VAV1: variants seen among roughly 807,000 people sequenced by gnomAD.
The protein encoded by VAV1 is vav guanine nucleotide exchange factor 1.
Under a neutral mutation model 128.1 loss-of-function variants are expected in VAV1, and 33 were observed. That is an observed-to-expected ratio of 0.26 (90% confidence interval 0.20 to 0.34). VAV1 has a LOEUF of 0.34. VAV1 is among the 10% of genes least tolerant of loss of function. The probability of loss-of-function intolerance (pLI) is 1.00; values close to 1 mark genes in which losing one functional copy is unlikely to be tolerated. For missense variants in VAV1, 715 were observed against 1,093.7 expected (o/e 0.65, Z 4.88); for synonymous variants, 394 against 409.8 (o/e 0.96, Z 0.47).
chr19:6,843,020 G>A (rs925920936), intron 21 of VAV1, 115 bp from the exon 22 acceptor site: 7 of 1,139,924 alleles, frequency 6.1e-6, no homozygotes, highest in Admixed American at 1.7e-5. Flanking sequence ...GCACATAATA[G>A]GCACTCACTA....
chr19:6,850,547 TG>T, intron 23 of VAV1, 122 bp from the exon 24 acceptor site: 1 of 825,170 alleles, frequency 1.2e-6, no homozygotes, highest in Non-Finnish European at 2.0e-6. Context: ...TGGGACAGCT[TG>T]TCTTTGGTTT....
At chr19:6,825,484 T>A (rs1022018951) in intron 8 of VAV1, 78 bp downstream of exon 8, 1 of 1,272,856 alleles carries the variant, frequency 7.9e-7, no homozygotes, top group African/African-American at 1.5e-5. Flanking sequence ...GACCTTACCC[T>A]CAGACACCAC....
rs528544238 is a variant in VAV1 at position 6,814,694 on chromosome 19, T to C, written c.205-6008T>C. Among the ~76,000 whole-genome samples, 420 of 127,652 alleles carry C rather than the reference T, an allele frequency of 3.3e-3. 14 individuals are homozygous for C. Among genetic ancestry groups the C allele is most frequent in the African/African-American group, 0.013 (383 of 28,962 alleles). The allele number at this position is 127,652 out of a possible 152,430, so 83.7% of individuals were successfully genotyped here. On this transcript the variant is annotated intron_variant, in intron 1 of 26. Transcript: ENST00000602142. Reference sequence around the variant, plus strand: ...TTCCTTTCTTTCTTTCTTTCTTTCTTTCTTTCTTTCTTTCTTTCTTTCTTT... The same window carrying C: ...TTCCTTTCTTTCTTTCTTTCTTTCTCTCTTTCTTTCTTTCTTTCTTTCTTT...
chr19:6,856,166 G>T (rs1037265586), intron 26 of VAV1, among the ~76,000 whole-genome samples: 1 of 152,092 alleles, frequency 6.6e-6, no homozygotes, highest in Admixed American at 6.6e-5. Flanking sequence ...GCATTGTGGC[G>T]TGCGCCTCTA....
chr19:6,836,490 C>A lies in VAV1; in HGVS notation c.1836C>A (p.Ala612=). ...EYYGLPPPPG[A]IGPFLRLNPG... ...ACGGGCTTCCTCCACCCCCTGGAGCCATTGGACCCTTTCTACGGCTCAACC... is the reference window on the plus strand; with the variant it reads ...ACGGGCTTCCTCCACCCCCTGGAGCAATTGGACCCTTTCTACGGCTCAACC... Residue 612 remains alanine (A), a synonymous_variant, in exon 20 of 27, where the codon GCC becomes GCA. Transcript: ENST00000602142. 2 of 1,614,098 alleles carry A rather than the reference C, an allele frequency of 1.2e-6. No individual in the cohort carries two copies. The highest frequency in any genetic ancestry group is 1.7e-6 in the Non-Finnish European group (2 of 1,180,030).
intron 3 of VAV1, 23 bp from the exon 4 acceptor site, chr19:6,821,768 C>T (rs1195183088): frequency 2.5e-6 from 4 of 1,613,816 alleles, no homozygotes; most frequent in Admixed American, 1.7e-5. Flanking sequence ...AGGCCCCTGG[C>T]TCACACCCTC....
intron 1 of VAV1, among the ~76,000 whole-genome samples, chr19:6,794,339 T>C (rs1971081023): frequency 6.6e-6 from 1 of 152,014 alleles, no homozygotes; most frequent in South Asian, 2.1e-4. Context: ...GAGAATACAG[T>C]GACTGAAGAG....
At position 6,850,770 on chromosome 19, in the gene VAV1, G is replaced by A; in HGVS notation, c.2217+13G>A. On this transcript the variant is annotated intron_variant, in intron 24 of 26. Coordinates refer to ENST00000602142, the MANE Select transcript of VAV1 (RefSeq NM_005428.4). ...CCGGGGGCTTACGGTAAGGGTCAATGTCCGCTCAATCCCAGCTTTCCAGAA... is the reference window on the plus strand; with the variant it reads ...CCGGGGGCTTACGGTAAGGGTCAATATCCGCTCAATCCCAGCTTTCCAGAA... The A allele has an allele frequency of 6.2e-7, 1 of 1,613,620 alleles. No individual in the cohort carries two copies. Among genetic ancestry groups the A allele is most frequent in the Non-Finnish European group, 8.5e-7 (1 of 1,179,686 alleles).
intron 1 of VAV1, among the ~76,000 whole-genome samples, chr19:6,816,241 C>T (rs964575979): frequency 6.6e-6 from 1 of 151,958 alleles, no homozygotes; most frequent in African/African-American, 2.4e-5. Flanking sequence ...AGGATGGTCT[C>T]GATCTCCTGA....
At chr19:6,834,165 A>T (rs1407287181) in intron 19 of VAV1, among the ~76,000 whole-genome samples, 3 of 151,306 alleles carry the variant, frequency 2.0e-5, no homozygotes, top group Admixed American at 6.6e-5. Context: ...TTTTTTTTTT[A>T]AATAGAGATG....
At chr19:6,784,558 AT>A (rs1970844032) in intron 1 of VAV1, among the ~76,000 whole-genome samples, 1 of 150,712 alleles carries the variant, frequency 6.6e-6, no homozygotes, top group Admixed American at 6.6e-5. Flanking sequence ...CAGTGGCACA[AT>A]CTTGGCTCAC....
At chr19:6,846,892 T>C (rs1485029843) in intron 22 of VAV1, among the ~76,000 whole-genome samples, 4 of 148,472 alleles carry the variant, frequency 2.7e-5, no homozygotes, top group African/African-American at 9.8e-5. Context: ...TATATTCATG[T>C]TATATTTATA....
intron 1 of VAV1, among the ~76,000 whole-genome samples, chr19:6,795,733 G>C (rs1971118994): frequency 6.6e-6 from 1 of 152,120 alleles, no homozygotes; most frequent in Admixed American, 6.6e-5. Context: ...GCCCAGGCTG[G>C]AGTGCAGTGG....
At chr19:6,843,195 A>G (rs569108613) in intron 22 of VAV1, 29 bp downstream of exon 22, 4 of 1,613,928 alleles carry the variant, frequency 2.5e-6, no homozygotes, top group South Asian at 1.1e-5. Context: ...TTTTGTTTCA[A>G]TGAGAGGTTT....
At chr19:6,804,944 C>T (rs1343363071) in intron 1 of VAV1, among the ~76,000 whole-genome samples, 3 of 151,250 alleles carry the variant, frequency 2.0e-5, no homozygotes, top group Non-Finnish European at 4.4e-5. Flanking sequence ...AGGATGGTCT[C>T]GATTGCCTGA....
chr19:6,809,103 T>C (rs966882867), intron 1 of VAV1, among the ~76,000 whole-genome samples: 1 of 147,944 alleles, frequency 6.8e-6, no homozygotes, highest in African/African-American at 2.6e-5. Flanking sequence ...TTTTTTGAGA[T>C]AGGGTCTTGT....
chr19:6,803,532 A>G (rs1036565792), intron 1 of VAV1, among the ~76,000 whole-genome samples: 1 of 152,132 alleles, frequency 6.6e-6, no homozygotes, highest in African/African-American at 2.4e-5. Context: ...CCTCGTATGG[A>G]TAAATAAGCT....
chr19:6,817,007 A>G (rs952461994), intron 1 of VAV1, among the ~76,000 whole-genome samples: 3 of 152,004 alleles, frequency 2.0e-5, no homozygotes, highest in Admixed American at 2.0e-4. Flanking sequence ...GAATGGAGTT[A>G]ATCTGAATGC....
rs1971866945 is a variant in VAV1, at chr19:6,824,455, T to TG, written c.655-598_655-597insG. On this transcript the variant is annotated intron_variant, in intron 6 of 26. Transcript: ENST00000602142. ...TTGCTGAGCGTAGTGTTTTCAAGGT[T>TG]CATCCACATTGTAGCCTGTGTCAGA... 1.1e-4 allele frequency among the ~76,000 whole-genome samples: 16 copies of TG among 152,356 alleles called. No individual in the cohort carries two copies. The South Asian group carries it at 3.3e-3, about 32-fold the overall frequency.
Sources: allele counts gnomAD v4.1 joint callset (sites outside exome capture counted in the v4.1 genomes callset), GRCh38; gene constraint gnomAD v4.1.1; transcripts MANE v1.5; gene names NCBI Gene and HGNC (gene_info 2026-07-23, HGNC 2026-07-21).